CTPS2: variants seen among roughly 807,000 people sequenced by gnomAD.
CTPS2 encodes the protein CTP synthase 2.
CTPS2 carries 19 observed loss-of-function variants against 46.8 expected under a neutral mutation model. That is an observed-to-expected ratio of 0.41 (90% CI 0.28 to 0.60). The LOEUF is 0.60. Ranked by LOEUF, CTPS2 falls within the 20% of genes least tolerant of loss-of-function variation. CTPS2 has a pLI of 0.35. For synonymous variants in CTPS2, 151 were observed against 165.2 expected, an observed-to-expected ratio of 0.91 and a Z score of 0.66; for missense variants, 286 against 447.6, an observed-to-expected ratio of 0.64 and a Z score of 3.26.
At chrX:16,674,565 A>G (rs759608656) in intron 10 of CTPS2, among the ~76,000 whole-genome samples, 47 of 110,490 alleles carry the variant, frequency 4.3e-4, no homozygotes, top group South Asian at 1.2e-3. Context: ...CAGGCCGGGC[A>G]TGGTGGCTCA....
intron 13 of CTPS2, among the ~76,000 whole-genome samples, chrX:16,641,223 C>T (rs776303129): frequency 2.3e-4 from 26 of 112,071 alleles, no homozygotes; most frequent in African/African-American, 8.4e-4. Flanking sequence ...AGAGCCTCAA[C>T]TTCCATTTAA....
intron 11 of CTPS2, among the ~76,000 whole-genome samples, chrX:16,669,320 T>C (rs1921519630): frequency 9.3e-6 from 1 of 107,712 alleles, no homozygotes; most frequent in African/African-American, 3.4e-5. Context: ...GCTCCTCCGA[T>C]AGATACTTAA....
intron 8 of CTPS2, among the ~76,000 whole-genome samples, chrX:16,687,474 CAAAAAA>C (rs35798035): frequency 6.8e-5 from 3 of 44,423 alleles, no homozygotes; most frequent in Non-Finnish European, 1.2e-4. Flanking sequence ...CACCCTGTGT[CAAAAAA>C]AAAAAAAAAA....
intron 17 of CTPS2, among the ~76,000 whole-genome samples, chrX:16,603,437 A>AG: frequency 9.2e-6 from 1 of 108,114 alleles, no homozygotes; most frequent in East Asian, 2.9e-4. Context: ...ATAAATAAAT[A>AG]AATAAATAAA....
At chrX:16,660,568 A>AT (rs1932923682) in intron 13 of CTPS2, among the ~76,000 whole-genome samples, 1 of 110,140 alleles carries the variant, frequency 9.1e-6, no homozygotes, top group Non-Finnish European at 1.9e-5. Flanking sequence ...TGCGCAGCTA[A>AT]TTTTTTTGTT....
rs182059210 is a variant in CTPS2, at chrX:16,669,096, G to T, written c.1190-1372C>A. ...CTTCACTGTAAGGAAAAGCAGCAGT[G>T]GGGGGTGGGGGTTGGAGACTCCACA... On this transcript the variant is annotated intron_variant, in intron 11 of 18. Coordinates refer to ENST00000359276, the MANE Select transcript of CTPS2 (RefSeq NM_175859.3). 4.5e-3 allele frequency among the ~76,000 whole-genome samples: 505 copies of T among 111,060 alleles called. 5 individuals are homozygous for T. Among genetic ancestry groups the T allele is most frequent in the African/African-American group, 0.016 (486 of 30,583 alleles).
At chrX:16,618,105 C>G (rs931737453) in intron 15 of CTPS2, among the ~76,000 whole-genome samples, 24 of 111,603 alleles carry the variant, frequency 2.2e-4, no homozygotes, top group African/African-American at 7.8e-4. Context: ...CCCCATCACC[C>G]TGACCCGATC....
intron 13 of CTPS2, among the ~76,000 whole-genome samples, chrX:16,666,290 G>C (rs1344199503): frequency 1.8e-5 from 2 of 111,600 alleles, no homozygotes; most frequent in Admixed American, 9.6e-5. Context: ...GAAGGCAGAG[G>C]CAGGTAAAGA....
chrX:16,605,245 C>T (rs1042483093), intron 17 of CTPS2, among the ~76,000 whole-genome samples: 7 of 111,640 alleles, frequency 6.3e-5, no homozygotes, highest in African/African-American at 2.3e-4. Flanking sequence ...CTCAAACTGG[C>T]TCATCTGGGC....
intron 10 of CTPS2, among the ~76,000 whole-genome samples, chrX:16,672,085 T>C (rs1921794772): frequency 9.0e-6 from 1 of 111,079 alleles, no homozygotes; most frequent in African/African-American, 3.3e-5. Context: ...TCCTAAGGTT[T>C]AGGGGGTTAG....
intron 16 of CTPS2, among the ~76,000 whole-genome samples, chrX:16,614,865 A>C (rs868336770): frequency 7.2e-4 from 71 of 99,079 alleles, no homozygotes; most frequent in Non-Finnish European, 9.8e-4. Flanking sequence ...CATGGCAAAA[A>C]CCTGCCGCTA....
At chrX:16,624,161 T>G (rs1456749613) in intron 14 of CTPS2, among the ~76,000 whole-genome samples, 2 of 110,965 alleles carry the variant, frequency 1.8e-5, no homozygotes, top group African/African-American at 6.6e-5. Flanking sequence ...TTGAATGAAA[T>G]CAACATACAA....
intron 6 of CTPS2, among the ~76,000 whole-genome samples, chrX:16,691,916 G>C (rs960073879): frequency 8.9e-6 from 1 of 111,952 alleles, no homozygotes; most frequent in African/African-American, 3.2e-5. Flanking sequence ...TTCTCAAAAG[G>C]GCCAGATGGG....
chrX:16,644,407 G>A (rs1932216099), intron 13 of CTPS2, among the ~76,000 whole-genome samples: 1 of 111,653 alleles, frequency 9.0e-6, no homozygotes, highest in Admixed American at 9.6e-5. Context: ...CAAAGTTCTG[G>A]GATTACAGGA....
At chrX:16,708,937 T>C (rs180685318) in intron 1 of CTPS2, among the ~76,000 whole-genome samples, 1,182 of 105,099 alleles carry the variant, frequency 0.011, 15 homozygotes, top group African/African-American at 0.039. Context: ...GGTGAAACCC[T>C]GTCTCTACTA....
chrX:16,669,434 C>T (rs1291778795), intron 11 of CTPS2, among the ~76,000 whole-genome samples: 7 of 103,432 alleles, frequency 6.8e-5, no homozygotes, highest in East Asian at 3.0e-4. Flanking sequence ...GTGGGGGTGG[C>T]GGTGAGGGGG....
chrX:16,596,690 G>C (rs1326003601), intron 17 of CTPS2, among the ~76,000 whole-genome samples: 1 of 107,503 alleles, frequency 9.3e-6, no homozygotes, highest in Non-Finnish European at 1.9e-5. Flanking sequence ...ATGATTTATA[G>C]TCCTTTGGGT....
At position 16,700,687 on chromosome X, in the gene CTPS2, A is replaced by G. The variant is rs754866201; in HGVS notation, c.167-1594T>C. 2.7e-5 allele frequency among the ~76,000 whole-genome samples: 3 copies of G among 110,811 alleles called. No homozygotes were observed. The East Asian group carries it at 8.6e-4, about 32-fold the overall frequency. ...TCTGCAACTTACAAAACATTTATTT[A>G]TTTCTCCCTCATGTTACATGGGGGC... On this transcript the variant is annotated intron_variant, in intron 2 of 18. Transcript: ENST00000359276.
chrX:16,664,037 C>A (rs1046247467), intron 13 of CTPS2, among the ~76,000 whole-genome samples: 4 of 111,312 alleles, frequency 3.6e-5, no homozygotes, highest in African/African-American at 1.3e-4. Context: ...AAAGTTTCAC[C>A]ATGTTAGCCA....
Sources: gnomAD v4.1 joint callset for allele counts (sites outside exome capture counted in the v4.1 genomes callset) on GRCh38, gnomAD v4.1.1 for gene constraint, MANE v1.5 for transcripts, NCBI Gene and HGNC (gene_info 2026-07-23, HGNC 2026-07-21) for gene names.